EBF1: variants seen among roughly 807,000 people sequenced by gnomAD.
The protein encoded by EBF1 is EBF transcription factor 1.
EBF1 carries 10 observed loss-of-function variants against 68.4 expected under a neutral mutation model. The observed-to-expected ratio is 0.15, with a 90% CI of 0.09 to 0.25. The LOEUF (loss-of-function observed/expected upper bound fraction) is 0.25. EBF1 is among the 10% of genes least tolerant of loss of function. EBF1 has a pLI of 1.00. For missense variants in EBF1, 509 were observed against 794.4 expected (o/e 0.64, Z 4.32); for synonymous variants, 298 against 299.8 (o/e 0.99, Z 0.06).
At chr5:158,944,016 A>G (rs1240577627) in intron 6 of EBF1, among the ~76,000 whole-genome samples, 2 of 152,190 alleles carry the variant, frequency 1.3e-5, no homozygotes, top group African/African-American at 4.8e-5. Context: ...AGCCACAAGC[A>G]ATTGATTTGT....
intron 6 of EBF1, among the ~76,000 whole-genome samples, chr5:158,877,544 C>A (rs1431157186): frequency 6.6e-6 from 1 of 152,154 alleles, no homozygotes; most frequent in East Asian, 1.9e-4. Flanking sequence ...GGCACCCAGG[C>A]AACTTAGAAG....
At position 158,976,782 on chromosome 5, in the gene EBF1, C is replaced by T. The variant is rs559730678; in HGVS notation, c.554+96614G>A. On this transcript the variant is annotated intron_variant, in intron 6 of 15. Transcript: ENST00000313708. ...AAGCACTATTACCTTAACGGTCTCA[C>T]ATCACAGTACTGATTAAAGAAACAT... Among the ~76,000 whole-genome samples, 11 of 152,328 alleles carry T rather than the reference C, an allele frequency of 7.2e-5. No individual in the cohort carries two copies. The East Asian group carries it at 2.1e-3, about 29-fold the overall frequency.
chr5:158,806,352 T>C (rs1270258255), intron 8 of EBF1, among the ~76,000 whole-genome samples: 2 of 152,070 alleles, frequency 1.3e-5, no homozygotes, highest in African/African-American at 4.8e-5. Flanking sequence ...ACATGATCAT[T>C]AGATGTGCTC....
chr5:158,857,010 C>A (rs1401543075), intron 6 of EBF1, among the ~76,000 whole-genome samples: 2 of 152,150 alleles, frequency 1.3e-5, no homozygotes, highest in African/African-American at 4.8e-5. Context: ...ACAAACCTTT[C>A]TTCTGCCCTT....
intron 8 of EBF1, among the ~76,000 whole-genome samples, chr5:158,798,999 A>T (rs542303476): frequency 6.6e-6 from 1 of 152,168 alleles, no homozygotes; most frequent in African/African-American, 2.4e-5. Context: ...CTCCTCCTAT[A>T]CATCTGTTAT....
At chr5:159,068,591 G>A (rs2127922889) in intron 6 of EBF1, among the ~76,000 whole-genome samples, 1 of 152,228 alleles carries the variant, frequency 6.6e-6, no homozygotes, top group Non-Finnish European at 1.5e-5. Flanking sequence ...CTTAGAAAAA[G>A]AATGAGTCTT....
chr5:158,742,050 C>T (rs1036710897), intron 10 of EBF1, among the ~76,000 whole-genome samples: 1 of 152,200 alleles, frequency 6.6e-6, no homozygotes. Context: ...CAAACCCAGG[C>T]AGTCTGCCTC....
intron 7 of EBF1, among the ~76,000 whole-genome samples, chr5:158,838,597 A>G (rs1365091497): frequency 1.3e-5 from 2 of 152,206 alleles, no homozygotes; most frequent in African/African-American, 2.4e-5. Flanking sequence ...TTCTTTAATA[A>G]GACTAATAAG....
intron 6 of EBF1, among the ~76,000 whole-genome samples, chr5:159,062,009 T>G (rs1030847383): frequency 1.3e-5 from 2 of 152,242 alleles, no homozygotes; most frequent in South Asian, 2.1e-4. Flanking sequence ...GTTCCCTGCC[T>G]GCCTACATTA....
At chr5:158,978,007 G>A (rs539618679) in intron 6 of EBF1, among the ~76,000 whole-genome samples, 1 of 152,190 alleles carries the variant, frequency 6.6e-6, no homozygotes, top group African/African-American at 2.4e-5. Context: ...ACACCCACAC[G>A]GTCTACCCGT....
chr5:159,081,828 A>G (rs982163707), intron 5 of EBF1, among the ~76,000 whole-genome samples: 7 of 152,204 alleles, frequency 4.6e-5, no homozygotes, highest in Non-Finnish European at 8.8e-5. Context: ...GTGCTTTAGA[A>G]AATCATGTGT....
At chr5:158,750,894 G>A (rs866172785) in intron 10 of EBF1, among the ~76,000 whole-genome samples, 2 of 151,968 alleles carry the variant, frequency 1.3e-5, no homozygotes, top group East Asian at 3.9e-4. Context: ...ATCATTATAC[G>A]AGTATAAATA....
intron 6 of EBF1, among the ~76,000 whole-genome samples, chr5:159,067,273 T>A (rs916271647): frequency 6.6e-6 from 1 of 152,248 alleles, no homozygotes; most frequent in African/African-American, 2.4e-5. Context: ...GACTTCGTAC[T>A]GCTTTTCTGT....
At chr5:158,888,695 G>T (rs983405234) in intron 6 of EBF1, among the ~76,000 whole-genome samples, 1 of 151,990 alleles carries the variant, frequency 6.6e-6, no homozygotes, top group Non-Finnish European at 1.5e-5. Context: ...TAACCAAAAA[G>T]GTTTAATTTG....
At chr5:158,855,531 G>A (rs1291331030) in intron 6 of EBF1, among the ~76,000 whole-genome samples, 1 of 152,148 alleles carries the variant, frequency 6.6e-6, no homozygotes. Flanking sequence ...GGTCCTGGAG[G>A]GATTTGGCCC....
At chr5:159,033,029 A>G (rs1272098811) in intron 6 of EBF1, among the ~76,000 whole-genome samples, 1 of 151,854 alleles carries the variant, frequency 6.6e-6, no homozygotes, top group African/African-American at 2.4e-5. Context: ...AACTAAATAT[A>G]GAGACCAAAC....
At chr5:159,060,929 T>TAC (rs1382603284) in intron 6 of EBF1, among the ~76,000 whole-genome samples, 77 of 85,762 alleles carry the variant, frequency 9.0e-4, no homozygotes, top group African/African-American at 3.2e-3. Context: ...GGGTTAAAGC[T>TAC]ACATACACAC....
chr5:158,758,287 T>C (rs528145150), intron 10 of EBF1, among the ~76,000 whole-genome samples: 2 of 152,298 alleles, frequency 1.3e-5, no homozygotes, highest in African/African-American at 4.8e-5. Flanking sequence ...CTTATACACG[T>C]AAGAAAATCA....
intron 6 of EBF1, among the ~76,000 whole-genome samples, chr5:158,872,861 T>C (rs1441378070): frequency 1.3e-5 from 2 of 152,200 alleles, no homozygotes; most frequent in Non-Finnish European, 2.9e-5. Flanking sequence ...TGTTACAATA[T>C]GCCAGGCACT....
Sources: allele counts gnomAD v4.1 joint callset (sites outside exome capture counted in the v4.1 genomes callset), GRCh38; gene constraint gnomAD v4.1.1; transcripts MANE v1.5; gene names NCBI Gene and HGNC (gene_info 2026-07-23, HGNC 2026-07-21).